Variants in CELF1 observed in about 807,000 individuals in gnomAD.
CELF1 encodes the protein 50 kDa nuclear polyadenylated RNA-binding protein.
In CELF1, 10 loss-of-function variants were observed where a neutral mutation model predicts 61.8. The observed-to-expected ratio is 0.16, with a 90% confidence interval of 0.10 to 0.27. The LOEUF is 0.27. Among genes scored for constraint, CELF1 ranks in the 10% least tolerant of loss-of-function variants. The probability of loss-of-function intolerance (pLI) is 1.00; values close to 1 mark genes in which losing one functional copy is unlikely to be tolerated. For synonymous variants in CELF1, 236 were observed against 225.1 expected, an observed-to-expected ratio of 1.05 and a Z score of -0.43; for missense variants, 380 against 639.1, an observed-to-expected ratio of 0.59 and a Z score of 4.37.
At chr11:47,484,982 G>A (rs928653516) in intron 6 of CELF1, among the ~76,000 whole-genome samples, 5 of 152,076 alleles carry the variant, frequency 3.3e-5, no homozygotes, top group East Asian at 1.9e-4. Flanking sequence ...CCGGCTTCAC[G>A]TCTCTTTTTA....
At chr11:47,533,648 A>ATACATACG (rs1470976771) in intron 1 of CELF1, among the ~76,000 whole-genome samples, 1 of 151,354 alleles carries the variant, frequency 6.6e-6, no homozygotes, top group Non-Finnish European at 1.5e-5. Context: ...ACATACATAC[A>ATACATACG]TACATACATA....
At chr11:47,523,026 G>C (rs1195336541) in intron 1 of CELF1, among the ~76,000 whole-genome samples, 1 of 151,984 alleles carries the variant, frequency 6.6e-6, no homozygotes, top group South Asian at 2.1e-4. Flanking sequence ...CTTCATTATG[G>C]ATTACCAAAC....
chr11:47,559,069 AATATAAT>A, intron 2 of CELF1, among the ~76,000 whole-genome samples: 1 of 137,982 alleles, frequency 7.2e-6, no homozygotes, highest in Non-Finnish European at 1.5e-5. Flanking sequence ...TATATATAAT[AATATAAT>A]ATATAATAAT....
intron 1 of CELF1, among the ~76,000 whole-genome samples, chr11:47,537,908 T>C (rs1565900434): frequency 6.6e-6 from 1 of 151,866 alleles, no homozygotes; most frequent in Admixed American, 6.6e-5. Context: ...TGTTTTCTTT[T>C]TTTTCTTTTC....
Position 47,499,515 on chromosome 11 carries a change from C to A in CELF1, c.9G>T (p.Ala3=), listed in dbSNP as rs1353431088. MA[A]FKLDFLPEMM... ...TTTCTGGAAGGAAATCCAACTTAAA[C>A]GCAGCCATCACCTCACTCTCCCCTT... The change falls in exon 3 of 15, where the codon GCG becomes GCT. Residue 3 remains alanine (A), a synonymous_variant. Transcript: ENST00000687097. The A allele has an allele frequency of 4.6e-6, 7 of 1,535,776 alleles. No homozygotes were observed. The highest frequency in any genetic ancestry group is 6.1e-6 in the Non-Finnish European group (7 of 1,146,754).
At chr11:47,532,785 G>A (rs10742814) in intron 1 of CELF1, among the ~76,000 whole-genome samples, 53,077 of 152,056 alleles carry the variant, frequency 0.35, 10,444 homozygotes, top group South Asian at 0.51. Context: ...GCCAGCCTGG[G>A]CCACCCACCA....
chr11:47,474,320 C>T (rs1157618736), intron 13 of CELF1, among the ~76,000 whole-genome samples: 1 of 152,206 alleles, frequency 6.6e-6, no homozygotes, highest in East Asian at 1.9e-4. Flanking sequence ...GGCCTCTGTA[C>T]TTGCTTTTCC....
chr11:47,554,071 T>C (rs2097194652), upstream of CELF1, among the ~76,000 whole-genome samples: 1 of 152,136 alleles, frequency 6.6e-6, no homozygotes, highest in Non-Finnish European at 1.5e-5. Flanking sequence ...TAACATCATC[T>C]GGCTTCCCAG....
intron 1 of CELF1, among the ~76,000 whole-genome samples, chr11:47,528,323 A>G (rs1378520063): frequency 6.6e-6 from 1 of 152,196 alleles, no homozygotes; most frequent in Non-Finnish European, 1.5e-5. Flanking sequence ...AATTCAAAAA[A>G]CTTCCTTATA....
intron 3 of CELF1, among the ~76,000 whole-genome samples, chr11:47,489,552 T>G (rs927235558): frequency 6.6e-6 from 1 of 152,330 alleles, no homozygotes; most frequent in East Asian, 1.9e-4. Flanking sequence ...GGCCTTTGAA[T>G]GTAGCTGACT....
At chr11:47,517,241 G>A (rs1417699435) in intron 1 of CELF1, among the ~76,000 whole-genome samples, 4 of 132,344 alleles carry the variant, frequency 3.0e-5, no homozygotes, top group Admixed American at 8.1e-5. Context: ...GAGAGAGCCT[G>A]TCTAAAAAAA....
intron 10 of CELF1, 21 bp downstream of exon 10, chr11:47,478,856 C>G: frequency 6.3e-7 from 1 of 1,597,204 alleles, no homozygotes; most frequent in Non-Finnish European, 8.6e-7. Context: ...TGCTGCTCCT[C>G]TGCAGCAGTG....
chr11:47,505,716 C>T (rs140972313), intron 1 of CELF1, among the ~76,000 whole-genome samples: 2,160 of 149,158 alleles, frequency 0.014, 63 homozygotes, highest in African/African-American at 0.045. Context: ...TTTGGGAGGC[C>T]GAGGCTGGCA....
intron 2 of CELF1, among the ~76,000 whole-genome samples, chr11:47,558,236 C>G (rs1321476807): frequency 1.3e-5 from 2 of 151,686 alleles, no homozygotes; most frequent in Non-Finnish European, 2.9e-5. Context: ...AGGCCTATAG[C>G]CTATGATGTC....
chr11:47,485,946 G>C (rs1287260057), intron 6 of CELF1, among the ~76,000 whole-genome samples: 1 of 147,942 alleles, frequency 6.8e-6, no homozygotes, highest in African/African-American at 2.5e-5. Context: ...CGGATCACAA[G>C]GTCAGGAGAT....
intron 6 of CELF1, among the ~76,000 whole-genome samples, chr11:47,485,883 C>T (rs1453763148): frequency 2.0e-5 from 3 of 147,446 alleles, no homozygotes; most frequent in Non-Finnish European, 3.0e-5. Context: ...GAATTAAGGC[C>T]AGGCGTGGTG....
intron 14 of CELF1, 96 bp downstream of exon 14, chr11:47,472,992 C>T: frequency 7.1e-7 from 1 of 1,414,090 alleles, no homozygotes; most frequent in Non-Finnish European, 9.5e-7. Flanking sequence ...TAAAACAACA[C>T]CACAAACTCA....
chr11:47,476,645 C>A (rs1398609907), intron 12 of CELF1, among the ~76,000 whole-genome samples: 4 of 152,156 alleles, frequency 2.6e-5, no homozygotes, highest in Non-Finnish European at 5.9e-5. Context: ...CCAGAATGGT[C>A]TCGATCTCCT....
At chr11:47,562,711 TG>T (rs200155187) in intron 2 of CELF1, among the ~76,000 whole-genome samples, 20 of 150,106 alleles carry the variant, frequency 1.3e-4, no homozygotes, top group African/African-American at 4.7e-4. Context: ...TGTTTTGTTT[TG>T]TTTTTTTTTT....
Sources: allele counts gnomAD v4.1 joint callset (sites outside exome capture counted in the v4.1 genomes callset), GRCh38; gene constraint gnomAD v4.1.1; transcripts MANE v1.5; gene names NCBI Gene and HGNC (gene_info 2026-07-23, HGNC 2026-07-21).